Variants in CCAR1 observed in about 807,000 individuals in gnomAD.
CCAR1 encodes cell division cycle and apoptosis regulator protein 1.
A neutral mutation model predicts 163.8 loss-of-function variants in CCAR1; 78 were observed. The observed-to-expected ratio is 0.48, with a 90% confidence interval of 0.40 to 0.57. The LOEUF is 0.57. Ranked by LOEUF, CCAR1 falls within the 20% of genes least tolerant of loss-of-function variation. CCAR1 has a pLI of 0.00. For missense variants in CCAR1, 1,019 were observed against 1,365.2 expected (o/e 0.75, Z 4.00); for synonymous variants, 443 against 460.7 (o/e 0.96, Z 0.49).
intron 12 of CCAR1, chr10:68,755,069 A>T: frequency 1.6e-6 from 1 of 612,788 alleles, no homozygotes; most frequent in South Asian, 1.9e-5. Context: ...ATAGTAGAAT[A>T]TTAGTGGTAA....
intron 19 of CCAR1, among the ~76,000 whole-genome samples, chr10:68,783,377 G>A (rs980699450): frequency 2.6e-5 from 4 of 151,738 alleles, no homozygotes; most frequent in East Asian, 2.0e-4. Flanking sequence ...ATTTCACCAC[G>A]TTAGCCAGGA....
intron 10 of CCAR1, 118 bp downstream of exon 10, chr10:68,749,803 A>G (rs930192607): frequency 1.2e-6 from 1 of 828,574 alleles, no homozygotes; most frequent in Non-Finnish European, 1.9e-6. Context: ...TGTTCTTCAT[A>G]TAAGGGCAGA....
At chr10:68,729,274 GT>G (rs935707281) in intron 2 of CCAR1, among the ~76,000 whole-genome samples, 67 of 141,742 alleles carry the variant, frequency 4.7e-4, no homozygotes, top group Non-Finnish European at 5.1e-4. Flanking sequence ...GGTTTTTTTG[GT>G]TTTTTTTTTT....
Position 68,788,028 on chromosome 10 carries a change from A to G in CCAR1, c.2982A>G (p.Ser994=), listed in dbSNP as rs751371787. The change falls in exon 22 of 25, where the codon TCA becomes TCG. Residue 994 remains serine (S), a synonymous_variant. Transcript: ENST00000265872. ...AAGAGAACCATGAAGAGTCTGAGTC[A>G]TTGCAGGAAGATATGCTAGGTCTGA... ...KDEENHEESE[S]LQEDMLGNRL... is the part of the protein sequence containing the mutation. The G allele has an allele frequency of 6.2e-7, 1 of 1,606,508 alleles. No individual in the cohort carries two copies. Among genetic ancestry groups the G allele is most frequent in the Admixed American group, 1.7e-5 (1 of 58,118 alleles).
chr10:68,750,743 C>T (rs999908579), intron 10 of CCAR1, among the ~76,000 whole-genome samples: 1 of 152,078 alleles, frequency 6.6e-6, no homozygotes, highest in Non-Finnish European at 1.5e-5. Context: ...TCATTAAAAG[C>T]AGTGTTCAGG....
intron 2 of CCAR1, among the ~76,000 whole-genome samples, chr10:68,724,013 C>T (rs953065821): frequency 3.3e-5 from 5 of 151,038 alleles, no homozygotes; most frequent in Middle Eastern, 3.2e-3. Context: ...ACAAAACTGG[C>T]TGGGCATGGT....
chr10:68,747,705 AT>A (rs2056275564), intron 8 of CCAR1, 139 bp downstream of exon 8: 1 of 640,860 alleles, frequency 1.6e-6, no homozygotes, highest in African/African-American at 1.8e-5. Context: ...ATCTACTTCC[AT>A]AGCTATGTGG....
In CCAR1 at chr10:68,753,998, T is replaced by C. The variant is rs772545789; in HGVS notation, c.1265T>C (p.Met422Thr). Residue 422 changes from methionine (M) to threonine (T), a missense_variant, in exon 11 of 25, where the codon ATG becomes ACG. By Grantham distance (81) the Met-to-Thr change is moderately conservative (BLOSUM62 -1). Around this residue, in one of 4 missense-constraint regions of CCAR1, gnomAD observed 644 missense variants for 904.4 expected, o/e 0.71. Transcript: ENST00000265872. ...QLGNYCNFYV[M>T]HREVESLEKN... is the part of the protein sequence containing the mutation. ...GGAAATTACTGCAATTTTTATGTAA[T>C]GCACAGAGAAGTAGAGTCCTTAGAA... 3.1e-6 allele frequency: 5 copies of C among 1,614,032 alleles called. No individual in the cohort carries two copies. The highest frequency in any genetic ancestry group is 3.4e-6 in the Non-Finnish European group (4 of 1,179,938).
At position 68,789,817 on chromosome 10, in the gene CCAR1, A is replaced by G. The variant is rs761394556; in HGVS notation, c.3295A>G (p.Ile1099Val). 1 of 1,608,312 alleles carries G rather than the reference A, an allele frequency of 6.2e-7. No homozygotes were observed. Among genetic ancestry groups the G allele is most frequent in the Non-Finnish European group, 8.5e-7 (1 of 1,177,296 alleles). ...TAGTCAGTTACAAGAAAACTTAAAG[A>G]TTTCGGAAAACATGAATTTACAATT... ...DLSQLQENLK[I>V]SENMNLQFEN... Residue 1099 changes from isoleucine (I) to valine (V), a missense_variant, in exon 24 of 25, where the codon ATT becomes GTT. Ile to Val is a conservative substitution (Grantham distance 29). Coordinates refer to ENST00000265872, the MANE Select transcript of CCAR1 (RefSeq NM_018237.4).
At position 68,747,574 on chromosome 10, in the gene CCAR1, T is replaced by C. The variant is rs1419988017; in HGVS notation, c.826+8T>C. On this transcript the variant is annotated splice_region_variant and intron_variant, in intron 8 of 24. Transcript: ENST00000265872. ...AGCAGCCTCAGCAAAAAGGTATCTT[T>C]GCTTTTGTTTCAGGCAAATGTATAA... The C allele has an allele frequency of 1.9e-6, 3 of 1,607,062 alleles. No homozygotes were observed. Among genetic ancestry groups the C allele is most frequent in the Admixed American group, 1.7e-5 (1 of 59,240 alleles).
chr10:68,749,207 C>G lies in CCAR1; in HGVS notation c.898C>G (p.Arg300Gly). ...QPARRLDPPS[R>G]FSGRNDRGDQ... ...GGCACGACGATTAGATCCCCCATCCCGATTTTCAGGAAGAAATGACAGAGG... is the reference window on the plus strand; with the variant it reads ...GGCACGACGATTAGATCCCCCATCCGGATTTTCAGGAAGAAATGACAGAGG... The change falls in exon 9 of 25, where the codon CGA becomes GGA. Residue 300 changes from arginine (R) to glycine (G), a missense_variant. This residue lies in a region of CCAR1 where 644 missense variants were observed against 904.4 expected (regional missense o/e 0.71). Coordinates refer to ENST00000265872, the MANE Select transcript of CCAR1 (RefSeq NM_018237.4). The G allele has an allele frequency of 6.2e-7, 1 of 1,613,272 alleles. No homozygotes were observed. Among genetic ancestry groups the G allele is most frequent in the Non-Finnish European group, 8.5e-7 (1 of 1,179,828 alleles).
Position 68,733,933 on chromosome 10 carries a change from G to A in CCAR1, c.74-2943G>A, listed in dbSNP as rs867249610. Among the ~76,000 whole-genome samples the A allele has an allele frequency of 3.3e-5, 5 of 152,150 alleles. No homozygotes were observed. The Middle Eastern group carries it at 0.017, about 518-fold the overall frequency. The stretch of plus-strand genomic sequence containing the variant: ...CCCTGCTCAGCCTCCCAAAGTGCTG[G>A]GATTACAGGCGTGAGCTACCATGCT... On this transcript the variant is annotated intron_variant, in intron 2 of 24. Coordinates refer to ENST00000265872, the MANE Select transcript of CCAR1 (RefSeq NM_018237.4).
At chr10:68,768,202 TTATAAA>T (rs1322196422) in intron 17 of CCAR1, among the ~76,000 whole-genome samples, 1 of 152,228 alleles carries the variant, frequency 6.6e-6, no homozygotes, top group African/African-American at 2.4e-5. Context: ...TTAAAACATG[TTATAAA>T]TATTAAATTA....
intron 15 of CCAR1, among the ~76,000 whole-genome samples, chr10:68,757,802 T>A (rs2056414436): frequency 6.8e-6 from 1 of 147,146 alleles, no homozygotes; most frequent in Non-Finnish European, 1.5e-5. Context: ...TATATGAGGG[T>A]CTATAGTGTA....
chr10:68,779,042 A>T (rs1004854311), intron 19 of CCAR1, among the ~76,000 whole-genome samples: 1 of 152,064 alleles, frequency 6.6e-6, no homozygotes, highest in African/African-American at 2.4e-5. Context: ...ATGGGGTTTC[A>T]TCATATTGGC....
chr10:68,751,381 T>A (rs1243868946), intron 10 of CCAR1, among the ~76,000 whole-genome samples: 1 of 152,144 alleles, frequency 6.6e-6, no homozygotes, highest in Non-Finnish European at 1.5e-5. Context: ...CTTACTCTTA[T>A]ACTTAAAAAT....
rs573897272 is a variant in CCAR1, at chr10:68,760,893, A to C, written c.1921-114A>C. 7.9e-4 allele frequency: 296 copies of C among 373,608 alleles called. 1 individual carries two copies. The highest frequency in any genetic ancestry group is 3.4e-3 in the Middle Eastern group (7 of 2,086). The allele number at this position is 373,608 out of a possible 1,614,324, so 23.1% of individuals were successfully genotyped here. ...AAAACAAAAAACAAAAAAAAAAAAA[A>C]CACACAAAATATAATTGTTAATTGT... On this transcript the variant is annotated intron_variant, in intron 15 of 24. Transcript: ENST00000265872.
At position 68,789,932 on chromosome 10, in the gene CCAR1, T is replaced by G; in HGVS notation, c.3393+17T>G. On this transcript the variant is annotated intron_variant, in intron 24 of 24. Coordinates refer to ENST00000265872, the MANE Select transcript of CCAR1 (RefSeq NM_018237.4). ...CTCAAGAAGGTGAGAAATTTTGTAC[T>G]TTTAACATTTTCTTAGTTTTAAAAA... 1 of 1,470,490 alleles carries G rather than the reference T, an allele frequency of 6.8e-7. No individual in the cohort carries two copies. Among genetic ancestry groups the G allele is most frequent in the South Asian group, 1.3e-5 (1 of 76,656 alleles). The allele number at this position is 1,470,490 out of a possible 1,614,324, so 91.1% of individuals were successfully genotyped here.
intron 5 of CCAR1, 65 bp from the exon 6 acceptor site, chr10:68,742,311 G>T: frequency 7.6e-7 from 1 of 1,316,152 alleles, no homozygotes. Flanking sequence ...GTTTTAAGTA[G>T]TCATATTCAG....
Sources: allele counts gnomAD v4.1 joint callset (sites outside exome capture counted in the v4.1 genomes callset), GRCh38; gene constraint gnomAD v4.1.1; regional missense constraint gnomAD v4.1.1; transcripts MANE v1.5; gene names NCBI Gene and HGNC (gene_info 2026-07-23, HGNC 2026-07-21).